Variants in SMIM35 observed in about 807,000 individuals in gnomAD.
SMIM35 encodes TMPRSS4 antisense RNA 1 (non-protein coding).
At position 118,071,968 on chromosome 11, in the gene SMIM35, G is replaced by A. The variant is rs187364336; in HGVS notation, c.7+14783C>T. Among the ~76,000 whole-genome samples, 123 of 152,264 alleles carry A rather than the reference G, an allele frequency of 8.1e-4. 1 individual carries two copies. The highest frequency in any genetic ancestry group is 6.8e-3 in the Middle Eastern group (2 of 294). On this transcript the variant is annotated intron_variant, in intron 1 of 4. Coordinates refer to ENST00000689828, the MANE Select transcript of SMIM35 (RefSeq NM_001394165.1). ...ACCTTGAGCAGGAAGGATCTACAGGGCTTGCTGCCCTCAGAAGCTCCTAGA... is the reference window on the plus strand; with the variant it reads ...ACCTTGAGCAGGAAGGATCTACAGGACTTGCTGCCCTCAGAAGCTCCTAGA...
chr11:118,077,442 T>G, intron 1 of SMIM35: 1 of 1,042,854 alleles, frequency 9.6e-7, no homozygotes, highest in Non-Finnish European at 1.4e-6. Flanking sequence ...CACACCCAAA[T>G]CCCCTCACAC....
chr11:118,071,200 T>C (rs757889596), intron 1 of SMIM35, among the ~76,000 whole-genome samples: 1 of 152,168 alleles, frequency 6.6e-6, no homozygotes, highest in Non-Finnish European at 1.5e-5. Context: ...AAGTCAGGCA[T>C]GTGGAAGGGA....
Position 118,005,999 on chromosome 11 carries a change from G to C in SMIM35, c.*411C>G, listed in dbSNP as rs2058119799. ...TGTGCACAGGGGTCGATGGCGTGTG[G>C]AGAGCGGGCATTTGGCCCAGCTGGC... On this transcript the variant is annotated 3_prime_UTR_variant, in exon 5 of 5. Transcript: ENST00000689828. 1 of 152,428 alleles carries C rather than the reference G, an allele frequency of 6.6e-6. No homozygotes were observed. Among genetic ancestry groups the C allele is most frequent in the African/African-American group, 2.4e-5 (1 of 41,468 alleles). The allele number at this position is 152,428 out of a possible 1,614,324, so 9.4% of individuals were successfully genotyped here. A position where few individuals can be genotyped will look rare whatever the true frequency, so the allele number is the denominator to read the frequency against.
At chr11:118,029,251 C>T (rs148700720) in intron 1 of SMIM35, among the ~76,000 whole-genome samples, 23 of 152,280 alleles carry the variant, frequency 1.5e-4, no homozygotes, top group African/African-American at 5.1e-4. Context: ...TACTTGAGGT[C>T]AGGAATTCAA....
intron 1 of SMIM35, among the ~76,000 whole-genome samples, chr11:118,052,054 G>A (rs781742575): frequency 6.6e-5 from 10 of 152,138 alleles, no homozygotes; most frequent in Non-Finnish European, 1.5e-4. Flanking sequence ...CTGGCAAAGA[G>A]CGGGAACTCT....
intron 1 of SMIM35, among the ~76,000 whole-genome samples, chr11:118,075,030 C>A (rs1944634782): frequency 6.6e-6 from 1 of 152,238 alleles, no homozygotes; most frequent in South Asian, 2.1e-4. Context: ...ACAGCTGCCT[C>A]TTTCCTGGTT....
At chr11:118,029,329 G>A in intron 1 of SMIM35, among the ~76,000 whole-genome samples, 1 of 152,212 alleles carries the variant, frequency 6.6e-6, no homozygotes. Context: ...GGTGGCACAC[G>A]CATGTAGCCC....
intron 1 of SMIM35, among the ~76,000 whole-genome samples, chr11:118,019,791 G>C (rs1025707504): frequency 6.6e-6 from 1 of 151,846 alleles, no homozygotes; most frequent in Non-Finnish European, 1.5e-5. Context: ...TTTTTGTATG[G>C]AAATTAATTT....
At chr11:118,062,594 T>C (rs1170927957) in intron 1 of SMIM35, among the ~76,000 whole-genome samples, 2 of 152,162 alleles carry the variant, frequency 1.3e-5, no homozygotes, top group Non-Finnish European at 2.9e-5. Context: ...GGCATGTGGA[T>C]GGGGAAAGAA....
At chr11:118,067,276 G>C (rs1048617392) in intron 1 of SMIM35, 2 of 152,212 alleles carry the variant, frequency 1.3e-5, no homozygotes, top group Non-Finnish European at 2.9e-5. Context: ...ACAGCTACTC[G>C]GGAGGCTGAG....
At chr11:118,029,583 C>A (rs189635787) in intron 1 of SMIM35, 2 of 453,964 alleles carry the variant, frequency 4.4e-6, no homozygotes, top group Non-Finnish European at 8.8e-6. Flanking sequence ...GGACTTACCC[C>A]CTGTCTGCTT....
At chr11:118,010,357 T>C (rs904162002) in intron 4 of SMIM35, among the ~76,000 whole-genome samples, 9 of 152,132 alleles carry the variant, frequency 5.9e-5, no homozygotes, top group African/African-American at 1.7e-4. Context: ...AAGGAGAACT[T>C]AGAGGAGAGA....
chr11:118,053,213 C>T (rs1032580770), intron 1 of SMIM35, among the ~76,000 whole-genome samples: 30 of 151,988 alleles, frequency 2.0e-4, no homozygotes, highest in Non-Finnish European at 3.8e-4. Context: ...GAGGCTGAGG[C>T]CAGAGAATCG....
chr11:118,024,966 CT>C (rs35844121), intron 1 of SMIM35, among the ~76,000 whole-genome samples: 20,551 of 152,114 alleles, frequency 0.14, 1,423 homozygotes, highest in Admixed American at 0.16. Flanking sequence ...CTATTTTTCC[CT>C]GTCCATATGT....
chr11:118,033,922 T>C (rs1439417101), intron 1 of SMIM35, among the ~76,000 whole-genome samples: 3 of 152,170 alleles, frequency 2.0e-5, no homozygotes, highest in Non-Finnish European at 2.9e-5. Flanking sequence ...AGTTCATTTG[T>C]CTATGAAATG....
intron 1 of SMIM35, among the ~76,000 whole-genome samples, chr11:118,082,809 A>G (rs1394134444): frequency 6.6e-6 from 1 of 152,218 alleles, no homozygotes; most frequent in East Asian, 1.9e-4. Context: ...GACTAATCCT[A>G]TCTGTGGGAG....
chr11:118,040,247 A>T (rs1453037574), intron 1 of SMIM35, among the ~76,000 whole-genome samples: 1 of 152,126 alleles, frequency 6.6e-6, no homozygotes, highest in Non-Finnish European at 1.5e-5. Flanking sequence ...CTCCACATCC[A>T]GAAGCTAAAT....
chr11:118,023,533 T>C (rs1298015165), intron 1 of SMIM35, among the ~76,000 whole-genome samples: 1 of 109,874 alleles, frequency 9.1e-6, no homozygotes, highest in African/African-American at 3.6e-5. Flanking sequence ...GTCCCCAGAG[T>C]GTGATGTTCC....
intron 1 of SMIM35, chr11:118,077,444 C>T (rs1050548687): frequency 4.0e-6 from 4 of 1,007,166 alleles, no homozygotes; most frequent in Admixed American, 2.9e-5. Context: ...CACCCAAATC[C>T]CCTCACACCC....
Sources: gnomAD v4.1 joint callset for allele counts (sites outside exome capture counted in the v4.1 genomes callset) on GRCh38, gnomAD v4.1.1 for gene constraint, MANE v1.5 for transcripts, NCBI Gene and HGNC (gene_info 2026-07-23, HGNC 2026-07-21) for gene names.